Variants in PKIB observed in about 807,000 individuals in gnomAD.
The protein encoded by PKIB is PKI-beta.
Under a neutral mutation model 4.5 loss-of-function variants are expected in PKIB, and 2 were observed. The observed-to-expected ratio is 0.44, with a 90% CI of 0.18 to 1.39. The LOEUF is 1.39. Among genes scored for constraint, PKIB ranks in the 40% most tolerant of loss-of-function variants. The pLI, the probability that PKIB is intolerant of heterozygous loss-of-function variation, is 0.27. For missense variants in PKIB, 94 were observed against 92.6 expected (o/e 1.02, Z -0.06); for synonymous variants, 38 against 36.0 (o/e 1.06, Z -0.20).
At chr6:122,613,576 C>T (rs1325539021) in intron 1 of PKIB, among the ~76,000 whole-genome samples, 2 of 152,034 alleles carry the variant, frequency 1.3e-5, no homozygotes, top group African/African-American at 2.4e-5. Flanking sequence ...AAAGTCATTA[C>T]CAGGTAGTGA....
intron 3 of PKIB, chr6:122,701,085 G>A (rs996768012): frequency 2.7e-5 from 5 of 188,248 alleles, no homozygotes; most frequent in African/African-American, 1.2e-4. Flanking sequence ...GGCCACCATG[G>A]ATCTGCACCT....
At chr6:122,498,660 A>G (rs1776142330) in intron 2 of PKIB, among the ~76,000 whole-genome samples, 1 of 152,246 alleles carries the variant, frequency 6.6e-6, no homozygotes. Context: ...ATCTAGACAA[A>G]CTAGAAAAAC....
intron 2 of PKIB, among the ~76,000 whole-genome samples, chr6:122,577,526 T>G (rs1323473972): frequency 6.6e-6 from 1 of 152,148 alleles, no homozygotes; most frequent in Non-Finnish European, 1.5e-5. Context: ...AACTACCCAT[T>G]TCTTCTCAAT....
chr6:122,628,982 G>A (rs1169102746), intron 1 of PKIB, among the ~76,000 whole-genome samples: 1 of 152,184 alleles, frequency 6.6e-6, no homozygotes, highest in Non-Finnish European at 1.5e-5. Context: ...CTCAGAATCA[G>A]TCCAAATGAG....
intron 2 of PKIB, among the ~76,000 whole-genome samples, chr6:122,566,754 C>G (rs1348233185): frequency 3.3e-5 from 5 of 152,048 alleles, no homozygotes; most frequent in Non-Finnish European, 7.4e-5. Flanking sequence ...AAACTTCATC[C>G]AGCAGGCATA....
At chr6:122,537,436 T>G (rs1020455152) in intron 2 of PKIB, among the ~76,000 whole-genome samples, 1 of 152,038 alleles carries the variant, frequency 6.6e-6, no homozygotes, top group African/African-American at 2.4e-5. Context: ...AACATTTTGG[T>G]TTTTTGTCCT....
chr6:122,561,920 A>G (rs919188304), intron 2 of PKIB, among the ~76,000 whole-genome samples: 1 of 144,518 alleles, frequency 6.9e-6, no homozygotes, highest in Non-Finnish European at 1.5e-5. Flanking sequence ...ATTCAATGTT[A>G]GTATTGAAAT....
intron 1 of PKIB, among the ~76,000 whole-genome samples, chr6:122,612,802 A>T (rs1774816751): frequency 1.3e-5 from 2 of 152,186 alleles, no homozygotes. Flanking sequence ...TCTTGGGTAG[A>T]TGCTTAACAG....
chr6:122,549,891 TAC>T (rs757275679), intron 2 of PKIB, among the ~76,000 whole-genome samples: 34 of 144,140 alleles, frequency 2.4e-4, no homozygotes, highest in South Asian at 6.5e-4. Context: ...ATTTTATATA[TAC>T]ACACACACAC....
At chr6:122,708,718 C>G (rs1031703039) in intron 3 of PKIB, among the ~76,000 whole-genome samples, 16 of 152,150 alleles carry the variant, frequency 1.1e-4, no homozygotes. Flanking sequence ...ACTGCAACCT[C>G]CTCCTCCCGG....
chr6:122,608,453 C>T (rs1774619819), upstream of PKIB, among the ~76,000 whole-genome samples: 1 of 152,208 alleles, frequency 6.6e-6, no homozygotes, highest in African/African-American at 2.4e-5. Context: ...ATGGTCAGGT[C>T]GTGTCTAACA....
chr6:122,647,410 C>T (rs911421877), intron 2 of PKIB, among the ~76,000 whole-genome samples: 2 of 152,220 alleles, frequency 1.3e-5, no homozygotes, highest in African/African-American at 2.4e-5. Flanking sequence ...TGAAGCTGAT[C>T]ACCACATCAC....
intron 3 of PKIB, among the ~76,000 whole-genome samples, chr6:122,605,052 A>G (rs1450362775): frequency 6.6e-6 from 1 of 152,180 alleles, no homozygotes; most frequent in African/African-American, 2.4e-5. Context: ...CCTTTCTGCT[A>G]TACAAAAGGA....
chr6:122,688,658 A>G (rs967028743), intron 3 of PKIB, among the ~76,000 whole-genome samples: 34 of 151,458 alleles, frequency 2.2e-4, no homozygotes, highest in African/African-American at 8.0e-4. Context: ...CAGGTTTTGT[A>G]TTTCTTCATG....
intron 2 of PKIB, among the ~76,000 whole-genome samples, chr6:122,519,016 ATTGGGT>A (rs1776850932): frequency 6.6e-6 from 1 of 152,116 alleles, no homozygotes; most frequent in Admixed American, 6.5e-5. Context: ...ATGAGCACTT[ATTGGGT>A]TGGAAGAGCC....
At chr6:122,628,782 C>G (rs1775572140) in intron 1 of PKIB, among the ~76,000 whole-genome samples, 1 of 152,190 alleles carries the variant, frequency 6.6e-6, no homozygotes, top group Non-Finnish European at 1.5e-5. Flanking sequence ...ACCTGACTCA[C>G]AACATTTTTC....
rs553200371 is a variant in PKIB at position 122,540,905 on chromosome 6, T to C, written c.-247-45016T>C. On this transcript the variant is annotated intron_variant, in intron 2 of 6. Transcript: ENST00000392491. ...ATATATTTAGGATAGTTAGCTCTTCTTGTTGAATTGATCCCTTTACCATTA... is the reference window on the plus strand; with the variant it reads ...ATATATTTAGGATAGTTAGCTCTTCCTGTTGAATTGATCCCTTTACCATTA... Among the ~76,000 whole-genome samples, 539 of 151,526 alleles carry C rather than the reference T, an allele frequency of 3.6e-3. 7 individuals are homozygous for C. Among genetic ancestry groups the C allele is most frequent in the African/African-American group, 0.012 (498 of 41,200 alleles).
intron 2 of PKIB, among the ~76,000 whole-genome samples, chr6:122,581,430 A>G (rs1773700107): frequency 6.6e-6 from 1 of 152,186 alleles, no homozygotes; most frequent in Non-Finnish European, 1.5e-5. Context: ...ATTGTTAAGC[A>G]TGAAAAGCTG....
intron 3 of PKIB, among the ~76,000 whole-genome samples, chr6:122,676,673 TATG>T (rs1301556612): frequency 2.0e-5 from 3 of 152,206 alleles, no homozygotes; most frequent in African/African-American, 7.2e-5. Flanking sequence ...ATTATTATTA[TATG>T]ACATTAACAT....
Sources: gnomAD v4.1 joint callset for allele counts (sites outside exome capture counted in the v4.1 genomes callset) on GRCh38, gnomAD v4.1.1 for gene constraint, MANE v1.5 for transcripts, NCBI Gene and HGNC (gene_info 2026-07-23, HGNC 2026-07-21) for gene names.